Variants in AFG1L observed in about 807,000 individuals in gnomAD.
AFG1L encodes the protein AFG1 like ATPase.
In AFG1L, 53 loss-of-function variants were observed where a neutral mutation model predicts 62.2. The observed-to-expected ratio is 0.85, with a 90% CI of 0.68 to 1.07. The LOEUF is 1.07. AFG1L is among the 50% of genes least tolerant of loss of function. The pLI is 0.00. For missense variants in AFG1L, 555 were observed against 590.5 expected (o/e 0.94, Z 0.62); for synonymous variants, 228 against 210.3 (o/e 1.08, Z -0.73).
intron 1 of AFG1L, among the ~76,000 whole-genome samples, chr6:108,304,951 A>G (rs1777147889): frequency 6.6e-6 from 1 of 152,204 alleles, no homozygotes; most frequent in East Asian, 1.9e-4. Context: ...TTGATTTGGT[A>G]TTTCCATTTG....
At chr6:108,359,027 A>G (rs1779414303) in intron 5 of AFG1L, 1 of 152,198 alleles carries the variant, frequency 6.6e-6, no homozygotes, top group Non-Finnish European at 1.5e-5. Flanking sequence ...AAATATTATA[A>G]TTTCTTTTAA....
chr6:108,408,193 G>A (rs1195387995), intron 7 of AFG1L, among the ~76,000 whole-genome samples: 2 of 151,180 alleles, frequency 1.3e-5, no homozygotes, highest in Non-Finnish European at 3.0e-5. Context: ...GTGGCGTGAG[G>A]CTTATTTTTA....
chr6:108,308,035 A>G (rs1777271396), intron 1 of AFG1L, among the ~76,000 whole-genome samples: 1 of 152,180 alleles, frequency 6.6e-6, no homozygotes, highest in Non-Finnish European at 1.5e-5. Flanking sequence ...TCTTGATGTA[A>G]GTCCTTTGTC....
rs190926398 is a variant in AFG1L, at chr6:108,513,703, A to C, written c.1203+3351A>C. 3.2e-4 allele frequency among the ~76,000 whole-genome samples: 48 copies of C among 152,310 alleles called. No homozygotes were observed. The South Asian group carries it at 4.3e-3, about 14-fold the overall frequency. On this transcript the variant is annotated intron_variant, in intron 11 of 12. Coordinates refer to ENST00000368977, the MANE Select transcript of AFG1L (RefSeq NM_145315.5). ...CCTCTGGGGGCAGGGCATAGCCAAA[A>C]AAAAGGCAGCAGAAACCTCTGCAGA...
At chr6:108,373,587 ATTT>A (rs879277202) in intron 6 of AFG1L, among the ~76,000 whole-genome samples, 5 of 133,378 alleles carry the variant, frequency 3.7e-5, no homozygotes, top group African/African-American at 5.5e-5. Context: ...TAGTTCTGAG[ATTT>A]TTTTTTTTTT....
At chr6:108,467,344 G>T (rs973785199) in intron 8 of AFG1L, among the ~76,000 whole-genome samples, 1 of 151,566 alleles carries the variant, frequency 6.6e-6, no homozygotes, top group East Asian at 1.9e-4. Flanking sequence ...TGCTTTCCGG[G>T]TTCAAATGAT....
chr6:108,374,242 T>C (rs1265443881), intron 6 of AFG1L, among the ~76,000 whole-genome samples: 1 of 152,238 alleles, frequency 6.6e-6, no homozygotes, highest in Non-Finnish European at 1.5e-5. Flanking sequence ...ATTAGACCTT[T>C]GTCAGATGCA....
intron 7 of AFG1L, among the ~76,000 whole-genome samples, chr6:108,412,486 A>C (rs1394795298): frequency 6.6e-6 from 1 of 152,210 alleles, no homozygotes; most frequent in African/African-American, 2.4e-5. Flanking sequence ...AGTTGAAATG[A>C]AGGAAAAAAT....
intron 7 of AFG1L, among the ~76,000 whole-genome samples, chr6:108,402,876 A>G (rs1781692184): frequency 6.6e-6 from 1 of 152,142 alleles, no homozygotes; most frequent in Admixed American, 6.5e-5. Context: ...AAGTTATGAA[A>G]TTATGTCAAG....
intron 10 of AFG1L, among the ~76,000 whole-genome samples, chr6:108,498,936 T>C (rs1000359919): frequency 2.0e-5 from 3 of 152,162 alleles, no homozygotes; most frequent in Non-Finnish European, 4.4e-5. Flanking sequence ...ATTGCGCCAC[T>C]GCACTCTAGC....
intron 6 of AFG1L, among the ~76,000 whole-genome samples, chr6:108,394,148 C>T (rs535812809): frequency 2.9e-4 from 40 of 139,600 alleles, no homozygotes; most frequent in Middle Eastern, 7.2e-3. Flanking sequence ...CCCCTCCCCT[C>T]CCCTCTCCTC....
At chr6:108,508,817 C>T (rs1050892357) in intron 10 of AFG1L, among the ~76,000 whole-genome samples, 3 of 152,158 alleles carry the variant, frequency 2.0e-5, no homozygotes, top group Non-Finnish European at 4.4e-5. Flanking sequence ...CCAGGAATAT[C>T]GCCATATCAA....
intron 2 of AFG1L, among the ~76,000 whole-genome samples, chr6:108,334,293 C>A (rs1778390930): frequency 6.6e-6 from 1 of 152,132 alleles, no homozygotes; most frequent in Admixed American, 6.5e-5. Context: ...GTGTGAGCCA[C>A]TGTGCCTGGC....
At chr6:108,322,900 C>T (rs530601029) in intron 1 of AFG1L, among the ~76,000 whole-genome samples, 46 of 152,258 alleles carry the variant, frequency 3.0e-4, no homozygotes, top group Middle Eastern at 3.4e-3. Flanking sequence ...GGTTGGACCT[C>T]GCCACAATCA....
chr6:108,352,128 C>T (rs1005840926), intron 3 of AFG1L, among the ~76,000 whole-genome samples: 1 of 152,202 alleles, frequency 6.6e-6, no homozygotes, highest in Non-Finnish European at 1.5e-5. Flanking sequence ...CTACCTCTCT[C>T]CCACATTTTC....
intron 11 of AFG1L, among the ~76,000 whole-genome samples, chr6:108,518,547 GT>G (rs1774993380): frequency 6.6e-6 from 1 of 151,926 alleles, no homozygotes. Flanking sequence ...TATACCTAAT[GT>G]TAAATGATGA....
intron 8 of AFG1L, among the ~76,000 whole-genome samples, chr6:108,465,221 C>G (rs964891747): frequency 2.0e-5 from 3 of 152,176 alleles, no homozygotes; most frequent in Admixed American, 6.5e-5. Flanking sequence ...AAAGAAAACT[C>G]TAAATTTAGC....
chr6:108,369,908 C>T (rs1182166517), intron 6 of AFG1L, among the ~76,000 whole-genome samples: 1 of 152,022 alleles, frequency 6.6e-6, no homozygotes, highest in East Asian at 1.9e-4. Context: ...CTGCACCCAG[C>T]CCCAGATTGA....
rs1172670546 is a variant in AFG1L, at chr6:108,491,068, A to G, written c.1062+13776A>G. Among the ~76,000 whole-genome samples the G allele has an allele frequency of 2.0e-5, 3 of 152,240 alleles. No individual in the cohort carries two copies. The East Asian group carries it at 5.8e-4, about 29-fold the overall frequency. On this transcript the variant is annotated intron_variant, in intron 10 of 12. Transcript: ENST00000368977. ...TTTATTTATGTCTTATCTGATTCCA[A>G]AAAGTATTTTATATGTGTGTACAGA...
Sources: gnomAD v4.1 joint callset for allele counts (sites outside exome capture counted in the v4.1 genomes callset) on GRCh38, gnomAD v4.1.1 for gene constraint, MANE v1.5 for transcripts, NCBI Gene and HGNC (gene_info 2026-07-23, HGNC 2026-07-21) for gene names.